The following ZAN variants were observed in gnomAD, a reference collection of about 807,000 sequenced individuals.
The protein encoded by ZAN is zonadhesin (gene/pseudogene).
ZAN carries 260 observed loss-of-function variants against 286.2 expected under a neutral mutation model. That is an observed-to-expected ratio of 0.91 (90% CI 0.82 to 1.01). The LOEUF (loss-of-function observed/expected upper bound fraction) is 1.01, where lower values mean the gene tolerates loss of function less well. ZAN is among the 50% of genes least tolerant of loss of function. The pLI, the probability that ZAN is intolerant of heterozygous loss-of-function variation, is 0.00. For synonymous variants in ZAN, 1,368 were observed against 1,417.5 expected (o/e 0.97, Z 0.79); for missense variants, 3,410 against 3,639.2 (o/e 0.94, Z 1.62).
At chr7:100,748,568 A>C (rs1808397304) in intron 11 of ZAN, 98 bp downstream of exon 11, 5 of 1,483,936 alleles carry the variant, frequency 3.4e-6, no homozygotes. Context: ...TGTTTCAGGC[A>C]GTGGGAAGAT....
intron 15 of ZAN, among the ~76,000 whole-genome samples, chr7:100,756,692 A>G (rs1167058535): frequency 1.4e-5 from 2 of 146,218 alleles, no homozygotes; most frequent in Non-Finnish European, 3.0e-5. Context: ...GCATGTATTC[A>G]CTTTTGTTTT....
In ZAN at chr7:100,752,489, C is replaced by A; in HGVS notation, c.2384C>A (p.Thr795Asn). 6.2e-7 allele frequency: 1 copy of A among 1,611,196 alleles called. No individual in the cohort carries two copies. The highest frequency in any genetic ancestry group is 8.5e-7 in the Non-Finnish European group (1 of 1,179,130). The change falls in exon 14 of 48, where the codon ACC (threonine) becomes AAC (asparagine). Residue 795 changes from threonine (T) to asparagine (N), a missense_variant. Physicochemically the swap from Thr to Asn is moderately conservative, Grantham distance 65. Around this residue, in one of 7 missense-constraint regions of ZAN, gnomAD observed 90 missense variants for 87.1 expected, o/e 1.03. Transcript: ENST00000613979. Reference sequence around the variant, plus strand: ...CCCACCATTCCCACAGAAAAACCCACCATCTCCACAGAAGAGCCCACCACC... The same window carrying A: ...CCCACCATTCCCACAGAAAAACCCAACATCTCCACAGAAGAGCCCACCACC... The part of the protein sequence containing the change: ...EKPTIPTEKP[T>N]ISTEEPTTPT...
chr7:100,747,517 G>A, intron 8 of ZAN, 33 bp from the exon 9 acceptor site: 1 of 1,601,226 alleles, frequency 6.2e-7, no homozygotes, highest in Non-Finnish European at 8.6e-7. Context: ...GTCCCCTTAA[G>A]CTCACTTCTC....
chr7:100,789,212 C>T lies in ZAN; in HGVS notation c.7228-6C>T. ...CCTGTCTGTGGCTCCTGTCTTCCCT[C>T]TTTAGGTCAACAACCAGAAGATGGC... On this transcript the variant is annotated splice_region_variant and splice_polypyrimidine_tract_variant and intron_variant, in intron 38 of 47. Transcript: ENST00000613979. The T allele has an allele frequency of 1.2e-6, 2 of 1,612,598 alleles. No homozygotes were observed. Among genetic ancestry groups the T allele is most frequent in the Non-Finnish European group, 8.5e-7 (1 of 1,179,312 alleles).
chr7:100,792,344 G>T, intron 41 of ZAN, 61 bp from the exon 42 acceptor site: 1 of 1,540,514 alleles, frequency 6.5e-7, no homozygotes, highest in South Asian at 1.3e-5. Context: ...CTCTTCTGCA[G>T]GGGTGGGTCT....
intron 17 of ZAN, among the ~76,000 whole-genome samples, chr7:100,759,250 TAAA>T (rs1018521564): frequency 1.3e-5 from 2 of 148,976 alleles, no homozygotes; most frequent in African/African-American, 5.0e-5. Flanking sequence ...AAAAAAAAAT[TAAA>T]AAATCAGCTG....
At chr7:100,797,231 A>T in intron 45 of ZAN, 135 bp from the exon 46 acceptor site, 1 of 779,544 alleles carries the variant, frequency 1.3e-6, no homozygotes, top group African/African-American at 1.7e-5. Context: ...TCCTGGAGGA[A>T]GAAGCAGACA....
In ZAN at chr7:100,776,446, G is replaced by T; in HGVS notation, c.6199G>T (p.Gly2067Cys). The change falls in exon 34 of 48, where the codon GGC becomes TGC. Residue 2067 changes from glycine (G) to cysteine (C), a missense_variant. Transcript: ENST00000613979. Reference sequence around the variant, plus strand: ...AACCACTCTCCCCCGCCAGGTCTGCGGCATGTGTGGGAACTTCAATGATGA... The same window carrying T: ...AACCACTCTCCCCCGCCAGGTCTGCTGCATGTGTGGGAACTTCAATGATGA... ...IPTTYYGKVCGMCGNFNDEEE... is the reference protein window; with the variant it reads ...IPTTYYGKVCCMCGNFNDEEE... 1 of 1,605,610 alleles carries T rather than the reference G, an allele frequency of 6.2e-7. No individual in the cohort carries two copies. The highest frequency in any genetic ancestry group is 8.5e-7 in the Non-Finnish European group (1 of 1,176,050).
intron 28 of ZAN, among the ~76,000 whole-genome samples, chr7:100,770,567 T>G (rs911897482): frequency 6.6e-5 from 10 of 151,444 alleles, no homozygotes; most frequent in African/African-American, 1.9e-4. Flanking sequence ...CAGGCTGTTC[T>G]CGAACTATGG....
intron 38 of ZAN, among the ~76,000 whole-genome samples, chr7:100,788,930 C>T (rs1436158072): frequency 6.6e-6 from 1 of 152,188 alleles, no homozygotes; most frequent in Non-Finnish European, 1.5e-5. Context: ...AACTCCTGAC[C>T]TCAAGTGATC....
intron 9 of ZAN, 126 bp from the exon 10 acceptor site, chr7:100,748,011 G>T: frequency 2.3e-5 from 16 of 698,690 alleles, no homozygotes; most frequent in Non-Finnish European, 3.1e-5. Context: ...AAGAAAGAAA[G>T]AACTGAATTG....
In ZAN at chr7:100,733,869, G is replaced by A. The variant is rs545354109; in HGVS notation, c.-142-158G>A. 5.7e-5 allele frequency among the ~76,000 whole-genome samples: 8 copies of A among 140,218 alleles called. 1 individual carries two copies. Among genetic ancestry groups the A allele is most frequent in the Admixed American group, 4.2e-4 (6 of 14,130 alleles). The allele number at this position is 140,218 out of a possible 152,430, so 92.0% of individuals were successfully genotyped here. On this transcript the variant is annotated intron_variant, in intron 1 of 47. Transcript: ENST00000613979. ...TGTTCTCTCTTTTTGAACTCCTTTC[G>A]TTTGAGGTTAGACTTCCTGGATTGA...
chr7:100,792,685 A>C, intron 42 of ZAN: 1 of 1,312,016 alleles, frequency 7.6e-7, no homozygotes, highest in Non-Finnish European at 1.0e-6. Flanking sequence ...TCCCAGGTCC[A>C]AGTCAGCACA....
chr7:100,785,509 G>T (rs1811504298), intron 36 of ZAN, among the ~76,000 whole-genome samples: 1 of 152,032 alleles, frequency 6.6e-6, no homozygotes, highest in Admixed American at 6.6e-5. Flanking sequence ...AAGATTACAG[G>T]TGTGAGCCAC....
chr7:100,747,744 ACTTTGGGAGG>A, intron 9 of ZAN, 103 bp downstream of exon 9: 1 of 1,156,736 alleles, frequency 8.6e-7, no homozygotes. Context: ...TATTCCCAAT[ACTTTGGGAGG>A]CTGAGGAGGG....
In ZAN at chr7:100,751,955, A is replaced by G; in HGVS notation, c.1850A>G (p.Glu617Gly). The G allele has an allele frequency of 6.2e-7, 1 of 1,613,000 alleles. No individual in the cohort carries two copies. The highest frequency in any genetic ancestry group is 8.5e-7 in the Non-Finnish European group (1 of 1,179,564). Residue 617 changes from glutamate to glycine, a missense_variant, in exon 14 of 48, where the codon GAA becomes GGA. Coordinates refer to ENST00000613979, the MANE Select transcript of ZAN (RefSeq NM_003386.3). ...TCAGAAAAACCCAACATGCCCTCAG[A>G]AAAACCCACCATTCCCTCAGAAAAA... ...IPSEKPNMPS[E>G]KPTIPSEKPT...
chr7:100,736,980 G>A lies in ZAN; in HGVS notation c.425G>A (p.Gly142Asp), dbSNP rs747248793. 34 of 1,503,456 alleles carry A rather than the reference G, an allele frequency of 2.3e-5. 4 individuals carry two copies. The East Asian group carries it at 6.9e-4, about 31-fold the overall frequency. The allele number at this position is 1,503,456 out of a possible 1,614,324, so 93.1% of individuals were successfully genotyped here. A position where few individuals can be genotyped will look rare whatever the true frequency, so the allele number is the denominator to read the frequency against. ...LRLLLLSGEE[G>D]RRPDVLWKHW... ...CTGCTGCTGCTCTCGGGTGAAGAGG[G>A]CCGCCGCCCCGATGTGCTCTGGAAA... Residue 142 changes from glycine (G) to aspartate (D), a missense_variant, in exon 5 of 48, where the codon GGC (glycine) becomes GAC (aspartate). This residue lies in a region of ZAN where 872 missense variants were observed against 938.9 expected (regional missense o/e 0.93). Transcript: ENST00000613979.
At chr7:100,759,235 G>GAAAA (rs112702630) in intron 17 of ZAN, among the ~76,000 whole-genome samples, 82 of 143,942 alleles carry the variant, frequency 5.7e-4, no homozygotes, top group African/African-American at 1.9e-3. Context: ...CTCTGTCTCA[G>GAAAA]AAAAAAAAAA....
chr7:100,784,106 G>A (rs960330663), intron 35 of ZAN, among the ~76,000 whole-genome samples: 1 of 148,932 alleles, frequency 6.7e-6, no homozygotes, highest in African/African-American at 2.5e-5. Flanking sequence ...CCTTCATGCT[G>A]GCTTGGGAGA....
Sources: allele counts gnomAD v4.1 joint callset (sites outside exome capture counted in the v4.1 genomes callset), GRCh38; gene constraint gnomAD v4.1.1; regional missense constraint gnomAD v4.1.1; transcripts MANE v1.5; gene names NCBI Gene and HGNC (gene_info 2026-07-23, HGNC 2026-07-21).